Variants in NWD2 observed in about 807,000 individuals in gnomAD.
NWD2 encodes the protein NACHT and WD repeat domain-containing protein 2.
In NWD2, 37 loss-of-function variants were observed where a neutral mutation model predicts 132.7. The ratio of observed to expected loss-of-function variants is 0.28; its 90% confidence interval spans 0.21 to 0.37. The LOEUF (loss-of-function observed/expected upper bound fraction) is 0.37, where lower values mean the gene tolerates loss of function less well. NWD2 is among the 10% of genes least tolerant of loss of function. The pLI is 1.00. For synonymous variants in NWD2, 705 were observed against 803.0 expected (o/e 0.88, Z 2.06); for missense variants, 1,592 against 2,122.4 (o/e 0.75, Z 4.91).
chr4:37,336,610 A>T (rs1345839995), intron 2 of NWD2, among the ~76,000 whole-genome samples: 1 of 152,236 alleles, frequency 6.6e-6, no homozygotes, highest in African/African-American at 2.4e-5. Context: ...GTGTAAAAAT[A>T]TATATAAAAA....
chr4:37,318,020 C>CTTTTTTTTTTTTTTTTT (rs71185128), intron 1 of NWD2, among the ~76,000 whole-genome samples: 3 of 113,364 alleles, frequency 2.6e-5, no homozygotes, highest in African/African-American at 4.1e-5. Flanking sequence ...TTTTTTCTTT[C>CTTTTTTTTTTTTTTTTT]TTTTTTTTTT....
chr4:37,342,223 T>C (rs1190645045), intron 2 of NWD2, among the ~76,000 whole-genome samples: 1 of 152,166 alleles, frequency 6.6e-6, no homozygotes, highest in Non-Finnish European at 1.5e-5. Flanking sequence ...TTCTATCAGT[T>C]ACCAGGAGAT....
intron 1 of NWD2, among the ~76,000 whole-genome samples, chr4:37,289,988 C>T (rs1256157306): frequency 2.0e-5 from 3 of 152,142 alleles, no homozygotes; most frequent in Non-Finnish European, 2.9e-5. Context: ...ATCCGTCTAA[C>T]TTTCTGAGGC....
Position 37,444,352 on chromosome 4 carries a change from G to A in NWD2, c.2364G>A (p.Leu788=), listed in dbSNP as rs1392416951. 2.6e-6 allele frequency: 4 copies of A among 1,551,966 alleles called. No individual in the cohort carries two copies. Among genetic ancestry groups the A allele is most frequent in the Non-Finnish European group, 2.6e-6 (3 of 1,147,056 alleles). ...EDPYLNGCLD[L]ENRSLLEEEK... is the part of the protein sequence containing the mutation. ...CCTACTTGAATGGCTGCCTTGACTTGGAGAACAGAAGTTTGCTGGAGGAAG... is the reference window on the plus strand; with the variant it reads ...CCTACTTGAATGGCTGCCTTGACTTAGAGAACAGAAGTTTGCTGGAGGAAG... The change falls in exon 7 of 7, where the codon TTG becomes TTA. Residue 788 remains leucine (L), a synonymous_variant. Transcript: ENST00000309447. This position sits in a 1 kb window ranked among gnomAD's most constrained non-coding sequence, Gnocchi z 4.8.
rs1334234276 is a variant in NWD2 at position 37,448,644 on chromosome 4, A to G, written c.*1427A>G. The G allele has an allele frequency of 6.6e-6, 1 of 152,208 alleles. No homozygotes were observed. The highest frequency in any genetic ancestry group is 6.5e-5 in the Admixed American group (1 of 15,286). 9.4% of individuals were successfully genotyped at this position (152,208 alleles called of 1,614,324 possible). A position where few individuals can be genotyped will look rare whatever the true frequency, so the allele number is the denominator to read the frequency against. On this transcript the variant is annotated 3_prime_UTR_variant, in exon 7 of 7. Transcript: ENST00000309447. ...TTAGAAAGTAGAGAAGTAACACTTT[A>G]CTAGAATAATGAACAAGGAATTGAT...
At chr4:37,287,293 A>G (rs999311387) in intron 1 of NWD2, among the ~76,000 whole-genome samples, 4 of 152,360 alleles carry the variant, frequency 2.6e-5, no homozygotes, top group Admixed American at 1.3e-4. Flanking sequence ...AGGGGCAACC[A>G]GCACCACAGC....
intron 1 of NWD2, among the ~76,000 whole-genome samples, chr4:37,312,314 G>T (rs1361218998): frequency 6.6e-6 from 1 of 150,852 alleles, no homozygotes; most frequent in Admixed American, 6.6e-5. Flanking sequence ...TTGAGCAGTG[G>T]TTTGTAGTTC....
At chr4:37,262,975 A>G (rs1448185627) in intron 1 of NWD2, among the ~76,000 whole-genome samples, 1 of 152,048 alleles carries the variant, frequency 6.6e-6, no homozygotes, top group African/African-American at 2.4e-5. Flanking sequence ...GAAGGCAACA[A>G]CCATTTGGGA....
chr4:37,340,451 G>T (rs1246235463), intron 2 of NWD2, among the ~76,000 whole-genome samples: 1 of 152,204 alleles, frequency 6.6e-6, no homozygotes. Flanking sequence ...AGGCAGAGTT[G>T]TGAGTGCAAT....
intron 1 of NWD2, among the ~76,000 whole-genome samples, chr4:37,321,487 T>C (rs760730816): frequency 5.3e-5 from 8 of 152,212 alleles, no homozygotes; most frequent in Non-Finnish European, 1.0e-4. Context: ...TTAATGCACC[T>C]TTTCAAAGCA....
intron 3 of NWD2, among the ~76,000 whole-genome samples, chr4:37,413,156 A>G (rs1721196724): frequency 6.6e-6 from 1 of 152,212 alleles, no homozygotes; most frequent in African/African-American, 2.4e-5. Flanking sequence ...CTGCACAGCA[A>G]AAGAAACTAT....
intron 1 of NWD2, among the ~76,000 whole-genome samples, chr4:37,288,438 T>C (rs1358747132): frequency 6.6e-6 from 1 of 152,200 alleles, no homozygotes; most frequent in Non-Finnish European, 1.5e-5. Flanking sequence ...TTAGCCAGTA[T>C]CACTTAACCC....
intron 3 of NWD2, among the ~76,000 whole-genome samples, chr4:37,393,196 T>TGGC (rs1720714062): frequency 6.6e-6 from 1 of 151,638 alleles, no homozygotes; most frequent in Non-Finnish European, 1.5e-5. Context: ...ATCCGGGGGT[T>TGGC]GGGGGGAGAC....
At chr4:37,304,872 C>T (rs1252425763) in intron 1 of NWD2, among the ~76,000 whole-genome samples, 1 of 152,188 alleles carries the variant, frequency 6.6e-6, no homozygotes, top group African/African-American at 2.4e-5. Context: ...TCTCTTCTCA[C>T]AGCTCCACTA....
At chr4:37,371,939 G>T (rs1037914257) in intron 3 of NWD2, among the ~76,000 whole-genome samples, 1 of 152,126 alleles carries the variant, frequency 6.6e-6, no homozygotes, top group Non-Finnish European at 1.5e-5. Flanking sequence ...GTGTGAAAAA[G>T]GGAATGCAAA....
At chr4:37,275,953 A>G (rs1228178738) in intron 1 of NWD2, among the ~76,000 whole-genome samples, 5 of 152,212 alleles carry the variant, frequency 3.3e-5, no homozygotes, top group Admixed American at 1.3e-4. Flanking sequence ...TTAATTCAAG[A>G]TGAATTAAAG....
At chr4:37,364,380 G>A (rs574696212) in intron 3 of NWD2, among the ~76,000 whole-genome samples, 1 of 152,042 alleles carries the variant, frequency 6.6e-6, no homozygotes, top group African/African-American at 2.4e-5. Flanking sequence ...CCACGCATGC[G>A]ATGAGAGGAG....
chr4:37,385,751 G>A (rs1720550326), intron 3 of NWD2, among the ~76,000 whole-genome samples: 1 of 152,156 alleles, frequency 6.6e-6, no homozygotes, highest in Non-Finnish European at 1.5e-5. Context: ...TGGACAAGAT[G>A]TTATTAATGA....
chr4:37,358,161 ATCT>A, intron 3 of NWD2, among the ~76,000 whole-genome samples: 1 of 152,304 alleles, frequency 6.6e-6, no homozygotes, highest in Non-Finnish European at 1.5e-5. Flanking sequence ...CAATTCTGTA[ATCT>A]TCAAGTTGAC....
Sources: gnomAD v4.1 joint callset for allele counts (sites outside exome capture counted in the v4.1 genomes callset) on GRCh38, gnomAD v4.1.1 for gene constraint, Gnocchi (gnomAD v3.1) non-coding constraint, MANE v1.5 for transcripts, NCBI Gene and HGNC (gene_info 2026-07-23, HGNC 2026-07-21) for gene names.